The following CPSF7 variants were observed in gnomAD, a reference collection of about 807,000 sequenced individuals.
CPSF7 encodes cleavage and polyadenylation specificity factor subunit 7.
In CPSF7, 1 loss-of-function variant was observed where a neutral mutation model predicts 44.3. The observed-to-expected ratio is 0.02, with a 90% confidence interval of 0.01 to 0.11. The LOEUF (loss-of-function observed/expected upper bound fraction) is 0.11, where lower values mean the gene tolerates loss of function less well. Ranked by LOEUF, CPSF7 falls within the 10% of genes least tolerant of loss-of-function variation. CPSF7 has a pLI of 1.00. For synonymous variants in CPSF7, 202 were observed against 222.0 expected, an observed-to-expected ratio of 0.91 and a Z score of 0.80; for missense variants, 443 against 607.2, an observed-to-expected ratio of 0.73 and a Z score of 2.84.
chr11:61,405,830 T>C (rs1485698668), intron 9 of CPSF7: 2 of 152,200 alleles, frequency 1.3e-5, no homozygotes, highest in African/African-American at 4.8e-5. Flanking sequence ...AGAATCTATA[T>C]GGCCTAAGCC....
intron 2 of CPSF7, among the ~76,000 whole-genome samples, chr11:61,428,397 G>C (rs1861607840): frequency 1.3e-5 from 2 of 152,090 alleles, no homozygotes; most frequent in African/African-American, 4.8e-5. Flanking sequence ...TGTTGCCCTG[G>C]CTGGTATTGA....
rs777184800 is a variant in CPSF7 at position 61,411,890 on chromosome 11, T to C, written c.1105A>G (p.Ile369Val). ...IETLLTAIAV[I>V]KQSRVANDER... ...TCATTGGCAACCCGGGACTGTTTGATAACCGCAATGGCTGTGAGCAGCGTC... is the reference window on the plus strand; with the variant it reads ...TCATTGGCAACCCGGGACTGTTTGACAACCGCAATGGCTGTGAGCAGCGTC... The change falls in exon 8 of 10, where the codon ATC (isoleucine) becomes GTC (valine). Residue 369 changes from isoleucine (I) to valine (V), a missense_variant. Ile to Val is a conservative substitution (Grantham distance 29). Transcript: ENST00000439958. 4.3e-6 allele frequency: 7 copies of C among 1,614,210 alleles called. No individual in the cohort carries two copies. Among genetic ancestry groups the C allele is most frequent in the Admixed American group, 1.7e-5 (1 of 60,024 alleles).
At chr11:61,425,633 G>A (rs551892150) in intron 2 of CPSF7, among the ~76,000 whole-genome samples, 1 of 152,186 alleles carries the variant, frequency 6.6e-6, no homozygotes, top group Admixed American at 6.5e-5. Context: ...ACTGAGGGAA[G>A]TAACTAGCCT....
chr11:61,425,369 A>G (rs1214993547), intron 2 of CPSF7, among the ~76,000 whole-genome samples: 4 of 152,372 alleles, frequency 2.6e-5, no homozygotes, highest in Non-Finnish European at 5.9e-5. Context: ...AAATTAAGTG[A>G]AAAGTACATT....
intron 2 of CPSF7, among the ~76,000 whole-genome samples, chr11:61,422,489 A>AT (rs1565115690): frequency 6.6e-6 from 1 of 151,756 alleles, no homozygotes; most frequent in Non-Finnish European, 1.5e-5. Flanking sequence ...TAATTTTCAA[A>AT]TTTTTTTTGT....
chr11:61,423,045 C>T (rs1404287887), intron 2 of CPSF7, among the ~76,000 whole-genome samples: 4 of 128,590 alleles, frequency 3.1e-5, no homozygotes, highest in Non-Finnish European at 4.6e-5. Flanking sequence ...AAGGATCACT[C>T]GAGCCCGGGA....
intron 2 of CPSF7, among the ~76,000 whole-genome samples, chr11:61,425,318 G>T (rs950438593): frequency 6.6e-6 from 1 of 152,116 alleles, no homozygotes; most frequent in African/African-American, 2.4e-5. Flanking sequence ...TTTTCTCAGC[G>T]GATTTATGCA....
At chr11:61,429,664 C>T (rs1861764108) in intron 1 of CPSF7, 1 of 1,394,310 alleles carries the variant, frequency 7.2e-7, no homozygotes, top group Non-Finnish European at 9.8e-7. Flanking sequence ...CGGCCAGAGC[C>T]CCCAGGTGTC....
At position 61,429,925 on chromosome 11, in the gene CPSF7, C is replaced by A; in HGVS notation, c.-67G>T. The A allele has an allele frequency of 7.1e-7, 1 of 1,409,130 alleles. No homozygotes were observed. The highest frequency in any genetic ancestry group is 9.5e-7 in the Non-Finnish European group (1 of 1,050,502). 87.3% of individuals were successfully genotyped at this position (1,409,130 alleles called of 1,614,324 possible). A position where few individuals can be genotyped will look rare whatever the true frequency, so the allele number is the denominator to read the frequency against. On this transcript the variant is annotated 5_prime_UTR_variant, in exon 1 of 10. Transcript: ENST00000439958. ...CGCGCCCCCGTTACCGGGAATATGG[C>A]GGCGGCGGCGGCGAGTCCGGACTAG...
intron 9 of CPSF7, among the ~76,000 whole-genome samples, chr11:61,406,486 G>A (rs1047292157): frequency 1.2e-4 from 19 of 152,220 alleles, no homozygotes; most frequent in Non-Finnish European, 2.5e-4. Context: ...GGGTGAGAAT[G>A]TAAGAAATTG....
chr11:61,419,897 C>CCCCCCCCA, intron 5 of CPSF7, 52 bp downstream of exon 5: 1 of 1,601,560 alleles, frequency 6.2e-7, no homozygotes, highest in South Asian at 1.1e-5. Flanking sequence ...AACACCCCCC[C>CCCCCCCCA]CTCATACAGA....
intron 2 of CPSF7, among the ~76,000 whole-genome samples, chr11:61,425,782 A>G (rs749712199): frequency 1.2e-4 from 18 of 152,258 alleles, no homozygotes; most frequent in South Asian, 4.1e-4. Context: ...TTCACTGTAC[A>G]TTGTCGTTGT....
At chr11:61,427,986 C>T (rs964470025) in intron 2 of CPSF7, among the ~76,000 whole-genome samples, 10 of 152,198 alleles carry the variant, frequency 6.6e-5, no homozygotes, top group African/African-American at 2.4e-4. Context: ...CCATTCAATA[C>T]ATGCTCTTAC....
intron 7 of CPSF7, among the ~76,000 whole-genome samples, chr11:61,413,183 C>G (rs964130935): frequency 6.6e-6 from 1 of 152,104 alleles, no homozygotes; most frequent in African/African-American, 2.4e-5. Flanking sequence ...CCTGGGCCTC[C>G]TAAAGTGCTG....
chr11:61,406,369 C>T (rs775455641), intron 9 of CPSF7, among the ~76,000 whole-genome samples: 1 of 152,208 alleles, frequency 6.6e-6, no homozygotes, highest in Non-Finnish European at 1.5e-5. Flanking sequence ...AAATATGATT[C>T]ATTTCTAACT....
rs751063750 is a variant in CPSF7 at position 61,421,508 on chromosome 11, G to C, written c.155C>G (p.Pro52Arg). 6.2e-7 allele frequency: 1 copy of C among 1,614,134 alleles called. No homozygotes were observed. Among genetic ancestry groups the C allele is most frequent in the Non-Finnish European group, 8.5e-7 (1 of 1,180,004 alleles). ...SDDRSSSTEPPPPVRQEPSPK... is the reference protein window; with the variant it reads ...SDDRSSSTEPRPPVRQEPSPK... ...AGATGGCTCCTGGCGAACAGGAGGA[G>C]GTGGTTCAGTGCTGCTGCTTCTGTC... The change falls in exon 3 of 10, where the codon CCT becomes CGT. Residue 52 changes from proline to arginine, a missense_variant. Physicochemically the swap from Pro to Arg is moderately radical, Grantham distance 103. Transcript: ENST00000439958.
chr11:61,421,203 T>C (rs1305082471), intron 3 of CPSF7, 187 bp downstream of exon 3: 9 of 1,112,022 alleles, frequency 8.1e-6, no homozygotes. Flanking sequence ...TAATCATTGC[T>C]TTCTTCGGCA....
chr11:61,429,526 C>G (rs1861742779), intron 1 of CPSF7: 1 of 546,004 alleles, frequency 1.8e-6, no homozygotes, highest in Non-Finnish European at 3.1e-6. Flanking sequence ...TGCGCCGCAG[C>G]TGCCTATGGC....
chr11:61,421,694 A>C, intron 2 of CPSF7, 86 bp from the exon 3 acceptor site: 2 of 955,136 alleles, frequency 2.1e-6, no homozygotes, highest in Non-Finnish European at 3.2e-6. Flanking sequence ...AATCCAGTTA[A>C]ATACTTGGTA....
Sources: allele counts gnomAD v4.1 joint callset (sites outside exome capture counted in the v4.1 genomes callset), GRCh38; gene constraint gnomAD v4.1.1; transcripts MANE v1.5; gene names NCBI Gene and HGNC (gene_info 2026-07-23, HGNC 2026-07-21).